The following PGM2L1 variants were observed in gnomAD, a reference collection of about 807,000 sequenced individuals.
PGM2L1 encodes the protein phosphoglucomutase 2 like 1.
Under a neutral mutation model 73.4 loss-of-function variants are expected in PGM2L1, and 35 were observed. The observed-to-expected ratio is 0.48, with a 90% CI of 0.36 to 0.63. The LOEUF (loss-of-function observed/expected upper bound fraction) is 0.63, where lower values mean the gene tolerates loss of function less well. Ranked by LOEUF, PGM2L1 falls within the 30% of genes least tolerant of loss-of-function variation. The pLI is 0.00. For missense variants in PGM2L1, 570 were observed against 742.0 expected (o/e 0.77, Z 2.69); for synonymous variants, 225 against 253.8 (o/e 0.89, Z 1.08).
intron 5 of PGM2L1, among the ~76,000 whole-genome samples, chr11:74,353,175 T>G (rs1330517637): frequency 8.4e-6 from 1 of 119,650 alleles, no homozygotes; most frequent in Non-Finnish European, 2.0e-5. Context: ...AAACCCAGAA[T>G]GTTTTTTTGT....
At chr11:74,377,267 T>TG (rs1385056652) in intron 1 of PGM2L1, among the ~76,000 whole-genome samples, 20 of 151,976 alleles carry the variant, frequency 1.3e-4, no homozygotes, top group Non-Finnish European at 2.2e-4. Context: ...CCCGAGTAGC[T>TG]GGACTACAGG....
intron 12 of PGM2L1, among the ~76,000 whole-genome samples, chr11:74,340,719 C>G (rs762492722): frequency 5.3e-5 from 8 of 152,086 alleles, no homozygotes; most frequent in Non-Finnish European, 1.2e-4. Flanking sequence ...AAGGAACATG[C>G]CATGTACAAC....
At chr11:74,393,312 CAAGCTCCCATCT>C (rs1165054357) in intron 1 of PGM2L1, among the ~76,000 whole-genome samples, 8 of 152,136 alleles carry the variant, frequency 5.3e-5, no homozygotes, top group African/African-American at 1.9e-4. Context: ...GTGGCAGATC[CAAGCTCCCATCT>C]AAGCTCCCCA....
intron 1 of PGM2L1, among the ~76,000 whole-genome samples, chr11:74,386,652 C>CT (rs757120254): frequency 4.9e-4 from 75 of 151,902 alleles, no homozygotes; most frequent in Non-Finnish European, 3.7e-4. Flanking sequence ...ATTTTATTTA[C>CT]TTTTTGTAGA....
chr11:74,396,151 C>T (rs1863173090), intron 1 of PGM2L1, among the ~76,000 whole-genome samples: 1 of 151,488 alleles, frequency 6.6e-6, no homozygotes, highest in Admixed American at 6.6e-5. Context: ...CCCAGCTACT[C>T]GGCAGGCTAA....
chr11:74,388,014 T>C (rs1053298825), intron 1 of PGM2L1, among the ~76,000 whole-genome samples: 4 of 152,212 alleles, frequency 2.6e-5, no homozygotes, highest in Non-Finnish European at 5.9e-5. Context: ...AAATTGTACA[T>C]GTTGTTCTAT....
chr11:74,343,095 C>T, intron 10 of PGM2L1, 81 bp from the exon 11 acceptor site: 2 of 1,474,934 alleles, frequency 1.4e-6, no homozygotes, highest in Non-Finnish European at 1.8e-6. Flanking sequence ...TCAGAAGGAC[C>T]AGGAAATTTA....
intron 1 of PGM2L1, among the ~76,000 whole-genome samples, chr11:74,393,327 G>A (rs1863129879): frequency 6.6e-6 from 1 of 152,172 alleles, no homozygotes; most frequent in African/African-American, 2.4e-5. Context: ...TCCCATCTAA[G>A]CTCCCCAACT....
Position 74,370,918 on chromosome 11 carries a change from A to C in PGM2L1, c.455T>G (p.Val152Gly). 6.2e-7 allele frequency: 1 copy of C among 1,611,874 alleles called. No homozygotes were observed. ...DVPVYLFSRYVPTPFVPYAVQ... is the reference protein window; with the variant it reads ...DVPVYLFSRYGPTPFVPYAVQ... The stretch of plus-strand genomic sequence containing the variant: ...CACACTTACTACAAAAGGTGTAGGA[A>C]CATATCTTGAAAAAAGGTACACAGG... Residue 152 changes from valine (V) to glycine (G), a missense_variant, in exon 4 of 14, where the codon GTT (valine) becomes GGT (glycine). Coordinates refer to ENST00000298198, the MANE Select transcript of PGM2L1 (RefSeq NM_173582.6).
At chr11:74,346,894 TATGTAGGCACA>T in intron 7 of PGM2L1, 65 bp from the exon 8 acceptor site, 1 of 1,249,244 alleles carries the variant, frequency 8.0e-7, no homozygotes, top group Non-Finnish European at 1.2e-6. Flanking sequence ...AACGTTCCTG[TATGTAGGCACA>T]ATGTTAGTGA....
chr11:74,397,249 C>G (rs1205840083), intron 1 of PGM2L1, among the ~76,000 whole-genome samples: 1 of 151,830 alleles, frequency 6.6e-6, no homozygotes, highest in Admixed American at 6.6e-5. Flanking sequence ...TTGGAGCTAC[C>G]AGGGACCTCT....
intron 9 of PGM2L1, among the ~76,000 whole-genome samples, chr11:74,343,769 CTTTTTTTTTTTTTTTT>C (rs56938172): frequency 1.3e-5 from 1 of 79,116 alleles, no homozygotes; most frequent in South Asian, 6.4e-4. Context: ...TTTACATTAT[CTTTTTTTTTTTTTTTT>C]TTTTTTTTTT....
At position 74,338,347 on chromosome 11, in the gene PGM2L1, C is replaced by T. The variant is rs1015076544; in HGVS notation, c.1766+121G>A. On this transcript the variant is annotated intron_variant, in intron 13 of 13. Coordinates refer to ENST00000298198, the MANE Select transcript of PGM2L1 (RefSeq NM_173582.6). Reference sequence around the variant, plus strand: ...CTAAAATTGATTACAGTGATGGATGCACAACTTTGAACATACTAAAAGCCA... The same window carrying T: ...CTAAAATTGATTACAGTGATGGATGTACAACTTTGAACATACTAAAAGCCA... 9 of 912,472 alleles carry T rather than the reference C, an allele frequency of 9.9e-6. No individual in the cohort carries two copies. In the African/African-American group the frequency reaches 1.5e-4, roughly 15 times the overall value. 56.5% of individuals were successfully genotyped at this position (912,472 alleles called of 1,614,324 possible).
chr11:74,392,190 A>C (rs1160677712), intron 1 of PGM2L1, among the ~76,000 whole-genome samples: 1 of 152,214 alleles, frequency 6.6e-6, no homozygotes, highest in Non-Finnish European at 1.5e-5. Flanking sequence ...TATAAGGAGC[A>C]AACTGAGGAA....
At chr11:74,357,398 A>G (rs1346718195) in intron 5 of PGM2L1, among the ~76,000 whole-genome samples, 4 of 152,252 alleles carry the variant, frequency 2.6e-5, no homozygotes, top group South Asian at 2.1e-4. Flanking sequence ...GAAAGAATAC[A>G]CAGATGGTAA....
At chr11:74,341,738 C>T (rs1392657125) in intron 12 of PGM2L1, among the ~76,000 whole-genome samples, 1 of 150,734 alleles carries the variant, frequency 6.6e-6, no homozygotes, top group Non-Finnish European at 1.5e-5. Flanking sequence ...TTATCAGAGC[C>T]ACAAAGTACA....
intron 6 of PGM2L1, among the ~76,000 whole-genome samples, chr11:74,347,859 A>T (rs1862292611): frequency 6.6e-6 from 1 of 152,202 alleles, no homozygotes; most frequent in Non-Finnish European, 1.5e-5. Flanking sequence ...ATCTCACAAA[A>T]GGATTGAACA....
chr11:74,382,566 A>G (rs1350147484), intron 1 of PGM2L1, among the ~76,000 whole-genome samples: 3 of 152,078 alleles, frequency 2.0e-5, no homozygotes, highest in Non-Finnish European at 4.4e-5. Context: ...TGGTGCAAAC[A>G]CAGCTCACTG....
At chr11:74,343,204 C>T (rs1862209811) in intron 10 of PGM2L1, 119 bp downstream of exon 10, 2 of 1,341,548 alleles carry the variant, frequency 1.5e-6, no homozygotes, top group Admixed American at 6.2e-5. Flanking sequence ...ACATATTTCT[C>T]ATTCTCTGTA....
Sources: gnomAD v4.1 joint callset for allele counts (sites outside exome capture counted in the v4.1 genomes callset) on GRCh38, gnomAD v4.1.1 for gene constraint, MANE v1.5 for transcripts, NCBI Gene and HGNC (gene_info 2026-07-23, HGNC 2026-07-21) for gene names.